RARB: variants seen among roughly 807,000 people sequenced by gnomAD.
RARB encodes HBV-activated protein.
RARB carries 17 observed loss-of-function variants against 51.9 expected under a neutral mutation model. The ratio of observed to expected loss-of-function variants is 0.33; its 90% CI spans 0.22 to 0.49. The LOEUF (loss-of-function observed/expected upper bound fraction) is 0.49, where lower values mean the gene tolerates loss of function less well. Among genes scored for constraint, RARB ranks in the 20% least tolerant of loss-of-function variants. The probability of loss-of-function intolerance (pLI) is 0.99; values close to 1 mark genes in which losing one functional copy is unlikely to be tolerated. For synonymous variants in RARB, 215 were observed against 195.4 expected, an observed-to-expected ratio of 1.10 and a Z score of -0.84; for missense variants, 369 against 550.8, an observed-to-expected ratio of 0.67 and a Z score of 3.30.
chr3:25,168,417 G>T (rs912139022), intron 4 of RARB, among the ~76,000 whole-genome samples: 3 of 151,832 alleles, frequency 2.0e-5, no homozygotes, highest in African/African-American at 7.3e-5. Flanking sequence ...GTAGAGACAG[G>T]GTTTCACCAT....
intron 3 of RARB, among the ~76,000 whole-genome samples, chr3:25,537,309 T>C (rs140158303): frequency 6.6e-6 from 1 of 152,370 alleles, no homozygotes; most frequent in African/African-American, 2.4e-5. Flanking sequence ...TGTGAGCTTA[T>C]GTTCTTGTAA....
chr3:24,937,275 T>C (rs73820319), intron 2 of RARB, among the ~76,000 whole-genome samples: 9,778 of 152,166 alleles, frequency 0.064, 650 homozygotes, highest in East Asian at 0.18. Context: ...TGCTACTCAA[T>C]TTGGTTCAAT....
At chr3:25,396,103 A>C (rs1707105692) in intron 5 of RARB, among the ~76,000 whole-genome samples, 1 of 152,162 alleles carries the variant, frequency 6.6e-6, no homozygotes. Context: ...CTTCCTAAGA[A>C]CCAGACTGTA....
intron 2 of RARB, among the ~76,000 whole-genome samples, chr3:24,948,387 A>G (rs1159216599): frequency 1.3e-5 from 2 of 152,236 alleles, no homozygotes; most frequent in African/African-American, 4.8e-5. Flanking sequence ...TTCACCTGCA[A>G]GAGGTGGAAA....
chr3:25,393,679 G>C (rs115075898), intron 5 of RARB, among the ~76,000 whole-genome samples: 1,981 of 152,088 alleles, frequency 0.013, 42 homozygotes, highest in African/African-American at 0.044. Flanking sequence ...GCACATAAAG[G>C]TGTTCTAGTT....
intron 3 of RARB, among the ~76,000 whole-genome samples, chr3:25,065,429 AAATG>A (rs1241214153): frequency 5.9e-5 from 9 of 152,204 alleles, no homozygotes; most frequent in African/African-American, 1.9e-4. Flanking sequence ...TTAGTAGAAT[AAATG>A]AATCTTTGAA....
At chr3:24,890,913 G>A (rs1192012380) in intron 2 of RARB, among the ~76,000 whole-genome samples, 1 of 152,124 alleles carries the variant, frequency 6.6e-6, no homozygotes, top group East Asian at 1.9e-4. Flanking sequence ...AAATTACTTT[G>A]TTAAGGCTTT....
intron 2 of RARB, among the ~76,000 whole-genome samples, chr3:25,032,252 T>G (rs534178938): frequency 4.5e-4 from 69 of 152,332 alleles, no homozygotes; most frequent in South Asian, 1.0e-3. Flanking sequence ...TTATCTTAAT[T>G]AAGTCACGGG....
chr3:24,909,405 T>C (rs1205126090), intron 2 of RARB, among the ~76,000 whole-genome samples: 1 of 152,202 alleles, frequency 6.6e-6, no homozygotes. Context: ...TCCAGCACAT[T>C]AATTTTTGAC....
chr3:25,445,441 G>A (rs562325679), intron 1 of RARB, among the ~76,000 whole-genome samples: 1 of 152,246 alleles, frequency 6.6e-6, no homozygotes, highest in East Asian at 1.9e-4. Flanking sequence ...GAGACAGGTG[G>A]ATCACTTGAG....
At chr3:24,991,759 G>A (rs1696916652) in intron 2 of RARB, among the ~76,000 whole-genome samples, 1 of 149,508 alleles carries the variant, frequency 6.7e-6, no homozygotes, top group South Asian at 2.1e-4. Context: ...CATATGGAGG[G>A]TGTTTTTTTT....
intron 5 of RARB, among the ~76,000 whole-genome samples, chr3:25,338,371 G>A (rs1329071941): frequency 1.3e-5 from 2 of 152,178 alleles, no homozygotes; most frequent in Non-Finnish European, 2.9e-5. Context: ...ATTGGAATGT[G>A]TGGCATTATT....
intron 5 of RARB, among the ~76,000 whole-genome samples, chr3:25,258,379 T>C (rs1310539951): frequency 6.6e-6 from 1 of 152,192 alleles, no homozygotes; most frequent in Non-Finnish European, 1.5e-5. Context: ...CAATTGATAT[T>C]GTAAAGTAGG....
intron 2 of RARB, among the ~76,000 whole-genome samples, chr3:24,930,789 G>A (rs1471314444): frequency 1.3e-5 from 2 of 152,172 alleles, no homozygotes; most frequent in Admixed American, 6.5e-5. Context: ...CAGAAGGATT[G>A]CCAGAGGCCA....
chr3:25,320,607 T>C (rs768661453), intron 5 of RARB, among the ~76,000 whole-genome samples: 6 of 152,270 alleles, frequency 3.9e-5, no homozygotes, highest in Non-Finnish European at 7.3e-5. Flanking sequence ...TACTTTATTA[T>C]TGCTTCTAAA....
chr3:25,206,574 C>T (rs965783922), intron 5 of RARB, among the ~76,000 whole-genome samples: 2 of 152,162 alleles, frequency 1.3e-5, no homozygotes, highest in African/African-American at 4.8e-5. Flanking sequence ...CTACCCATTT[C>T]AGATCATTTA....
chr3:25,518,155 G>A (rs998405338), intron 3 of RARB, among the ~76,000 whole-genome samples: 4 of 152,116 alleles, frequency 2.6e-5, no homozygotes, highest in South Asian at 2.1e-4. Flanking sequence ...TTAAAAAACC[G>A]ATGATTTTAA....
chr3:24,959,256 T>A (rs1696087557), intron 2 of RARB, among the ~76,000 whole-genome samples: 1 of 152,036 alleles, frequency 6.6e-6, no homozygotes, highest in Non-Finnish European at 1.5e-5. Flanking sequence ...TTTTTCTGTG[T>A]CCAGGAAAAA....
At chr3:24,854,787 AT>A (rs991565665) in intron 1 of RARB, among the ~76,000 whole-genome samples, 7 of 152,224 alleles carry the variant, frequency 4.6e-5, no homozygotes, top group African/African-American at 1.7e-4. Flanking sequence ...CCAATAAAAA[AT>A]GTCTCCAAAT....
Sources: gnomAD v4.1 joint callset for allele counts (sites outside exome capture counted in the v4.1 genomes callset) on GRCh38, gnomAD v4.1.1 for gene constraint, MANE v1.5 for transcripts, NCBI Gene and HGNC (gene_info 2026-07-23, HGNC 2026-07-21) for gene names.